ADCK5: variants seen among roughly 807,000 people sequenced by gnomAD.
The protein encoded by ADCK5 is aarF domain containing kinase 5.
Under a neutral mutation model 64.9 loss-of-function variants are expected in ADCK5, and 43 were observed. The ratio of observed to expected loss-of-function variants is 0.66; its 90% confidence interval spans 0.52 to 0.85. ADCK5 has a LOEUF of 0.85. Among genes scored for constraint, ADCK5 ranks in the 40% least tolerant of loss-of-function variants. The pLI is 0.00. For synonymous variants in ADCK5, 434 were observed against 342.8 expected (o/e 1.27, Z -2.94); for missense variants, 760 against 810.5 (o/e 0.94, Z 0.76).
chr8:144,384,766 G>A lies in ADCK5; in HGVS notation c.266+1536G>A, dbSNP rs1049675908. 3.9e-5 allele frequency among the ~76,000 whole-genome samples: 6 copies of A among 152,102 alleles called. No homozygotes were observed. The highest frequency in any genetic ancestry group is 3.9e-4 in the Admixed American group (6 of 15,278). On this transcript the variant is annotated intron_variant, in intron 3 of 14. Coordinates refer to ENST00000308860, the MANE Select transcript of ADCK5 (RefSeq NM_174922.5). This position sits in a 1 kb window ranked among gnomAD's most constrained non-coding sequence, Gnocchi z 5.7. ...TGTCCACCTCCTCGGCCACCGGCTT[G>A]GTGAGCCTGCGTTTTGGGCTCACTT...
intron 2 of ADCK5, among the ~76,000 whole-genome samples, chr8:144,380,124 G>A (rs576120859): frequency 1.3e-5 from 2 of 151,448 alleles, no homozygotes; most frequent in East Asian, 3.9e-4. Context: ...AGGCGCCTGC[G>A]GCTGGGTGCA....
Position 144,392,854 on chromosome 8 carries a change from G to A in ADCK5, c.1599G>A (p.Lys533=), listed in dbSNP as rs1554861602. 5 of 1,598,488 alleles carry A rather than the reference G, an allele frequency of 3.1e-6. No individual in the cohort carries two copies. The African/African-American group carries it at 4.0e-5, about 13-fold the overall frequency. Residue 533 remains lysine, a synonymous_variant, in exon 14 of 15, where the codon AAG becomes AAA. Transcript: ENST00000308860. The part of the protein sequence containing the change: ...VYGTSLLRHA[K]VVWEMLKFEV... ...GCACCAGCCTCCTGCGCCACGCCAAGGTCGTCTGGGAGATGCTCAAGTTTG... is the reference window on the plus strand; with the variant it reads ...GCACCAGCCTCCTGCGCCACGCCAAAGTCGTCTGGGAGATGCTCAAGTTTG...
intron 1 of ADCK5, among the ~76,000 whole-genome samples, chr8:144,377,136 G>A (rs912373092): frequency 3.3e-5 from 5 of 152,246 alleles, no homozygotes; most frequent in African/African-American, 9.6e-5. Flanking sequence ...CACCCAAACC[G>A]TGACTTGTGT....
rs192693882 is a variant in ADCK5 at position 144,384,456 on chromosome 8, C to T, written c.266+1226C>T. Reference sequence around the variant, plus strand: ...TAAAAGACAAAACAGTCGTTCCCCACGTGGGTCTCCCTGGCATCTGGTTTT... The same window carrying T: ...TAAAAGACAAAACAGTCGTTCCCCATGTGGGTCTCCCTGGCATCTGGTTTT... On this transcript the variant is annotated intron_variant, in intron 3 of 14. Coordinates refer to ENST00000308860, the MANE Select transcript of ADCK5 (RefSeq NM_174922.5). This position sits in a 1 kb window ranked among gnomAD's most constrained non-coding sequence, Gnocchi z 5.7. Among the ~76,000 whole-genome samples, 130 of 152,352 alleles carry T rather than the reference C, an allele frequency of 8.5e-4. No homozygotes were observed. The highest frequency in any genetic ancestry group is 1.3e-3 in the Non-Finnish European group (89 of 68,030).
In ADCK5 at chr8:144,379,473, CAG is replaced by C. The variant is rs1554857726; in HGVS notation, c.100_101del (p.Arg34GlyfsTer98). The part of the protein sequence containing the change: ...SPAVFFRRNV[R>X]GLPPRFSSPT... Reference sequence around the variant, plus strand: ...CTGCTGTGTTCTTCAGGAGAAACGTCAGGGGCCTTCCTCCAAGGTAACGAGTC... The same window carrying C: ...CTGCTGTGTTCTTCAGGAGAAACGTCGGGCCTTCCTCCAAGGTAACGAGTC... On this transcript the variant is annotated frameshift_variant, in exon 2 of 15. Coordinates refer to ENST00000308860, the MANE Select transcript of ADCK5 (RefSeq NM_174922.5). LOFTEE classifies it high-confidence loss of function. 1 of 1,604,624 alleles carries C rather than the reference CAG, an allele frequency of 6.2e-7. No homozygotes were observed. Among genetic ancestry groups the C allele is most frequent in the Non-Finnish European group, 8.5e-7 (1 of 1,174,386 alleles).
At chr8:144,375,257 G>T (rs959543387) in intron 1 of ADCK5, among the ~76,000 whole-genome samples, 1 of 152,206 alleles carries the variant, frequency 6.6e-6, no homozygotes, top group Non-Finnish European at 1.5e-5. Context: ...GGGTCCAGGC[G>T]GCGTTTGAGG....
chr8:144,382,940 C>G (rs557751770), intron 2 of ADCK5, 141 bp from the exon 3 acceptor site: 1 of 1,194,348 alleles, frequency 8.4e-7, no homozygotes. Context: ...GACGCTGATG[C>G]GGTGGTGTTC....
chr8:144,381,168 A>C (rs1413384144), intron 2 of ADCK5, among the ~76,000 whole-genome samples: 18 of 145,118 alleles, frequency 1.2e-4, no homozygotes, highest in African/African-American at 4.7e-4. Flanking sequence ...GTAGAAACAG[A>C]TGTGTGCTCA....
In ADCK5 at chr8:144,392,438, TCC is replaced by T. The variant is rs1416167261; in HGVS notation, c.1268-4_1268-3del. 5.0e-6 allele frequency: 1 copy of T among 201,752 alleles called. No individual in the cohort carries two copies. Among genetic ancestry groups the T allele is most frequent in the Non-Finnish European group, 8.4e-6 (1 of 118,442 alleles). 12.5% of individuals were successfully genotyped at this position (201,752 alleles called of 1,614,324 possible). A position where few individuals can be genotyped will look rare whatever the true frequency, so the allele number is the denominator to read the frequency against. ...CCCCCTCCCTCCCTCCCTCCCTCCC[TCC>T]CCAGACTACCTCCTGTTCGCCGAGA... On this transcript the variant is annotated splice_region_variant and splice_polypyrimidine_tract_variant and intron_variant, in intron 12 of 14. Transcript: ENST00000308860.
chr8:144,389,690 C>T (rs1301537459), intron 3 of ADCK5, among the ~76,000 whole-genome samples: 1 of 152,132 alleles, frequency 6.6e-6, no homozygotes, highest in Non-Finnish European at 1.5e-5. Context: ...CACCACCATG[C>T]CCAGCTAATT....
chr8:144,378,431 TTTCC>T (rs1819462159), intron 1 of ADCK5, among the ~76,000 whole-genome samples: 1 of 152,106 alleles, frequency 6.6e-6, no homozygotes, highest in Non-Finnish European at 1.5e-5. Flanking sequence ...TGTGTGGCAC[TTTCC>T]CCTTTGCCCT....
chr8:144,381,961 G>C (rs1398731706), intron 2 of ADCK5, among the ~76,000 whole-genome samples: 9 of 145,848 alleles, frequency 6.2e-5, no homozygotes, highest in Non-Finnish European at 3.0e-5. Context: ...AGGATTATGG[G>C]CCGGGTGTAG....
rs781924960 is a variant in ADCK5, at chr8:144,391,983, T to C, written c.1057T>C (p.Tyr353His). 3.7e-6 allele frequency: 6 copies of C among 1,612,506 alleles called. No homozygotes were observed. Among genetic ancestry groups the C allele is most frequent in the South Asian group, 2.2e-5 (2 of 91,088 alleles). Reference sequence around the variant, plus strand: ...CAAGGCCTTTGCTGAGCAGATATTTTACACCGGCTTCATCCACTCGGACCC... The same window carrying C: ...CAAGGCCTTTGCTGAGCAGATATTTCACACCGGCTTCATCCACTCGGACCC... ...LIKAFAEQIF[Y>H]TGFIHSDPHP... Residue 353 changes from tyrosine to histidine, a missense_variant, in exon 10 of 15, where the codon TAC becomes CAC. Tyr to His is a moderately conservative substitution (Grantham distance 83, BLOSUM62 2). Around this residue, in one of 2 missense-constraint regions of ADCK5, gnomAD observed 427 missense variants for 518.4 expected, o/e 0.82. Transcript: ENST00000308860.
intron 3 of ADCK5, among the ~76,000 whole-genome samples, chr8:144,385,933 T>C (rs1259538724): frequency 6.6e-6 from 1 of 150,424 alleles, no homozygotes; most frequent in East Asian, 2.0e-4. Context: ...CACTGCACTC[T>C]AGCCTGGGTG....
intron 1 of ADCK5, among the ~76,000 whole-genome samples, chr8:144,378,470 GC>G (rs201258693): frequency 6.6e-6 from 1 of 151,010 alleles, no homozygotes; most frequent in African/African-American, 2.4e-5. Flanking sequence ...CTCTCTCTCC[GC>G]CCCCCCCACT....
At chr8:144,373,414 C>G (rs1819233071), upstream of ADCK5, among the ~76,000 whole-genome samples, 1 of 152,220 alleles carries the variant, frequency 6.6e-6, no homozygotes, top group South Asian at 2.1e-4. Context: ...CCAGGGCTGT[C>G]ACAGAGTGAG....
chr8:144,383,715 A>AC (rs1554858795), intron 3 of ADCK5, among the ~76,000 whole-genome samples: 1 of 151,872 alleles, frequency 6.6e-6, no homozygotes, highest in African/African-American at 2.4e-5. Flanking sequence ...TTCCTCCATT[A>AC]CCTTACAGTG....
upstream of ADCK5, chr8:144,373,982 C>A: frequency 8.6e-7 from 1 of 1,162,542 alleles, no homozygotes; most frequent in Non-Finnish European, 1.1e-6. Context: ...CCACCGCCCA[C>A]GGGGCGGGGC....
At position 144,391,350 on chromosome 8, in the gene ADCK5, G is replaced by A. The variant is rs782114214; in HGVS notation, c.685-11G>A. 28 of 1,612,776 alleles carry A rather than the reference G, an allele frequency of 1.7e-5. No homozygotes were observed. Among genetic ancestry groups the A allele is most frequent in the Non-Finnish European group, 2.2e-5 (26 of 1,179,964 alleles). ...GGCCCCAAGTTCTCACCACACCCTC[G>A]CCCAGTGCAGGTGCAGTACATCGAC... On this transcript the variant is annotated splice_polypyrimidine_tract_variant and intron_variant, in intron 6 of 14. Transcript: ENST00000308860.
Sources: gnomAD v4.1 joint callset for allele counts (sites outside exome capture counted in the v4.1 genomes callset) on GRCh38, gnomAD v4.1.1 for gene constraint, gnomAD v4.1.1 regional missense constraint, Gnocchi (gnomAD v3.1) non-coding constraint, MANE v1.5 for transcripts, NCBI Gene and HGNC (gene_info 2026-07-23, HGNC 2026-07-21) for gene names.